The following KCNT2 variants were observed in gnomAD, a reference collection of about 807,000 sequenced individuals.
KCNT2 encodes the protein potassium sodium-activated channel subfamily T member 2.
KCNT2 carries 67 observed loss-of-function variants against 153.8 expected under a neutral mutation model. The observed-to-expected ratio is 0.44, with a 90% confidence interval of 0.36 to 0.53. The LOEUF (loss-of-function observed/expected upper bound fraction) is 0.53, where lower values mean the gene tolerates loss of function less well. Among genes scored for constraint, KCNT2 ranks in the 20% least tolerant of loss-of-function variants. The pLI, the probability that KCNT2 is intolerant of heterozygous loss-of-function variation, is 0.00. For synonymous variants in KCNT2, 500 were observed against 458.8 expected (o/e 1.09, Z -1.15); for missense variants, 975 against 1,354.8 (o/e 0.72, Z 4.40).
At chr1:196,271,730 C>T (rs572597774) in intron 25 of KCNT2, among the ~76,000 whole-genome samples, 22 of 151,992 alleles carry the variant, frequency 1.4e-4, no homozygotes, top group East Asian at 1.4e-3. Context: ...ATTATGTCTG[C>T]GAGTGTGTGT....
chr1:196,412,210 T>C (rs2148487298), intron 12 of KCNT2, among the ~76,000 whole-genome samples: 1 of 151,858 alleles, frequency 6.6e-6, no homozygotes, highest in South Asian at 2.1e-4. Flanking sequence ...TTTTAATAAT[T>C]TTCACTAACA....
chr1:196,593,058 C>A (rs2149006706), intron 1 of KCNT2, among the ~76,000 whole-genome samples: 1 of 150,432 alleles, frequency 6.6e-6, no homozygotes, highest in East Asian at 1.9e-4. Flanking sequence ...AATTTGTAGT[C>A]TTTTATCCCT....
chr1:196,265,433 A>C (rs1385017448), intron 25 of KCNT2, among the ~76,000 whole-genome samples: 3 of 152,164 alleles, frequency 2.0e-5, no homozygotes, highest in African/African-American at 4.8e-5. Flanking sequence ...GCTCCATGTC[A>C]TGTGTCTTAG....
intron 13 of KCNT2, among the ~76,000 whole-genome samples, chr1:196,390,675 T>C (rs930411219): frequency 1.3e-5 from 2 of 148,376 alleles, no homozygotes; most frequent in Admixed American, 1.4e-4. Flanking sequence ...ATACTTGCAT[T>C]ATTCTCACAC....
At chr1:196,236,655 AAGTGTAC>A (rs1654469248) in intron 26 of KCNT2, among the ~76,000 whole-genome samples, 1 of 151,576 alleles carries the variant, frequency 6.6e-6, no homozygotes, top group Non-Finnish European at 1.5e-5. Context: ...ATTTTAAGGG[AAGTGTAC>A]TCCTGAATCA....
intron 1 of KCNT2, among the ~76,000 whole-genome samples, chr1:196,582,100 T>C (rs988523360): frequency 6.6e-6 from 1 of 152,058 alleles, no homozygotes; most frequent in Non-Finnish European, 1.5e-5. Context: ...CCAACTTTTT[T>C]AGGAAAATCA....
Position 196,380,763 on chromosome 1 carries a change from AT to A in KCNT2, c.1295-7516del, listed in dbSNP as rs568325365. Among the ~76,000 whole-genome samples, 137 of 152,314 alleles carry A rather than the reference AT, an allele frequency of 9.0e-4. 1 individual carries two copies. The highest frequency in any genetic ancestry group is 3.4e-3 in the Middle Eastern group (1 of 294). ...CCATATCCTTTGCTTATTAGATTCTATTTGCAAGCAAGAGTGGGTTTATTGC... is the reference window on the plus strand; with the variant it reads ...CCATATCCTTTGCTTATTAGATTCTATTGCAAGCAAGAGTGGGTTTATTGC... On this transcript the variant is annotated intron_variant, in intron 13 of 27. Transcript: ENST00000294725.
At position 196,429,202 on chromosome 1, in the gene KCNT2, T is replaced by A. The variant is rs557057026; in HGVS notation, c.819+375A>T. Among the ~76,000 whole-genome samples, 5 of 152,136 alleles carry A rather than the reference T, an allele frequency of 3.3e-5. No individual in the cohort carries two copies. In the South Asian group the frequency reaches 1.0e-3, roughly 31 times the overall value. On this transcript the variant is annotated intron_variant, in intron 9 of 27. Coordinates refer to ENST00000294725, the MANE Select transcript of KCNT2 (RefSeq NM_198503.5). ...TTCTTCATTGCAGTGTATGACTTTG[T>A]GGTTTATTTTGAAGAACCAAGAGAA...
chr1:196,388,459 C>T (rs1017154882), intron 13 of KCNT2, among the ~76,000 whole-genome samples: 6 of 151,250 alleles, frequency 4.0e-5, no homozygotes, highest in African/African-American at 7.3e-5. Flanking sequence ...TCAGTTGAAA[C>T]GTATTGAATC....
chr1:196,234,254 A>T (rs562051621), intron 27 of KCNT2, among the ~76,000 whole-genome samples: 1 of 151,080 alleles, frequency 6.6e-6, no homozygotes, highest in South Asian at 2.1e-4. Flanking sequence ...CTGGACCCAC[A>T]TATCATCTCT....
intron 21 of KCNT2, 81 bp downstream of exon 21, chr1:196,315,811 T>C (rs1662655783): frequency 7.9e-7 from 1 of 1,268,594 alleles, no homozygotes; most frequent in Non-Finnish European, 1.1e-6. Context: ...CTCATGTTCA[T>C]TCCTCACAGA....
At chr1:196,275,798 T>G (rs1028795342) in intron 25 of KCNT2, among the ~76,000 whole-genome samples, 1 of 152,008 alleles carries the variant, frequency 6.6e-6, no homozygotes, top group Non-Finnish European at 1.5e-5. Flanking sequence ...ATGTTCTTCA[T>G]AGTACAGAGT....
At chr1:196,389,763 T>C (rs1670309857) in intron 13 of KCNT2, among the ~76,000 whole-genome samples, 1 of 151,484 alleles carries the variant, frequency 6.6e-6, no homozygotes, top group South Asian at 2.1e-4. Context: ...AATTGAAAAG[T>C]TAGTGGTAAG....
chr1:196,295,090 T>C (rs558465675), intron 22 of KCNT2, among the ~76,000 whole-genome samples: 1 of 151,754 alleles, frequency 6.6e-6, no homozygotes, highest in South Asian at 2.1e-4. Flanking sequence ...AGGTCCTGGA[T>C]TTGTTAATTA....
chr1:196,403,101 C>T (rs148610483), intron 12 of KCNT2, among the ~76,000 whole-genome samples: 9 of 151,708 alleles, frequency 5.9e-5, no homozygotes, highest in African/African-American at 2.2e-4. Flanking sequence ...TAGGTCTCCA[C>T]AAAAACATGC....
intron 1 of KCNT2, among the ~76,000 whole-genome samples, chr1:196,505,757 C>A (rs983489215): frequency 6.6e-6 from 1 of 151,856 alleles, no homozygotes; most frequent in Non-Finnish European, 1.5e-5. Context: ...TCTTTTATTT[C>A]ATTGAGCAGT....
chr1:196,447,299 G>GT (rs2148607381), intron 8 of KCNT2, among the ~76,000 whole-genome samples: 1 of 151,778 alleles, frequency 6.6e-6, no homozygotes, highest in African/African-American at 2.4e-5. Context: ...CCTGAACTGA[G>GT]TTGTCAAGAA....
At chr1:196,421,214 C>T (rs1043423440) in intron 12 of KCNT2, among the ~76,000 whole-genome samples, 2 of 151,934 alleles carry the variant, frequency 1.3e-5, no homozygotes, top group African/African-American at 4.8e-5. Context: ...TATAAATCTT[C>T]TTACTCATTT....
chr1:196,341,549 T>C (rs1351174317), intron 15 of KCNT2, among the ~76,000 whole-genome samples: 1 of 152,010 alleles, frequency 6.6e-6, no homozygotes, highest in African/African-American at 2.4e-5. Context: ...AGATAATATG[T>C]TATTTTCATT....
Sources: gnomAD v4.1 joint callset for allele counts (sites outside exome capture counted in the v4.1 genomes callset) on GRCh38, gnomAD v4.1.1 for gene constraint, MANE v1.5 for transcripts, NCBI Gene and HGNC (gene_info 2026-07-23, HGNC 2026-07-21) for gene names.